Variants in ACACB observed in about 807,000 individuals in gnomAD.
ACACB encodes the protein acetyl-CoA carboxylase 2.
ACACB carries 209 observed loss-of-function variants against 278.8 expected under a neutral mutation model. The observed-to-expected ratio is 0.75, with a 90% CI of 0.67 to 0.84. The LOEUF (loss-of-function observed/expected upper bound fraction) is 0.84. Ranked by LOEUF, ACACB falls within the 40% of genes least tolerant of loss-of-function variation. ACACB has a pLI of 0.00. For missense variants in ACACB, 2,850 were observed against 3,269.0 expected (o/e 0.87, Z 3.13); for synonymous variants, 1,174 against 1,285.6 (o/e 0.91, Z 1.86).
intron 9 of ACACB, 116 bp from the exon 10 acceptor site, chr12:109,178,972 G>C (rs2044367584): frequency 3.2e-6 from 3 of 931,586 alleles, no homozygotes; most frequent in Non-Finnish European, 5.0e-6. Context: ...GCAGAGTCCT[G>C]GATGAGTACC....
intron 21 of ACACB, among the ~76,000 whole-genome samples, chr12:109,210,384 TGTGTATATATGTATATACACGCACAC>T (rs2045776706): frequency 7.5e-6 from 1 of 133,248 alleles, no homozygotes; most frequent in African/African-American, 3.1e-5. Context: ...CGCACACACA[TGTGTATATATGTATATACACGCACAC>T]ACATGTGTAT....
chr12:109,128,389 G>A (rs1316666267), intron 1 of ACACB, among the ~76,000 whole-genome samples: 1 of 151,936 alleles, frequency 6.6e-6, no homozygotes, highest in Non-Finnish European at 1.5e-5. Context: ...CCAGGCTGGA[G>A]TGCAATGGCA....
intron 1 of ACACB, among the ~76,000 whole-genome samples, chr12:109,117,031 T>C (rs1372182789): frequency 4.0e-5 from 6 of 150,310 alleles, no homozygotes; most frequent in African/African-American, 1.5e-4. Flanking sequence ...TGTTTCTGTT[T>C]CCTCAAATGG....
intron 1 of ACACB, among the ~76,000 whole-genome samples, chr12:109,133,309 C>T (rs2042879295): frequency 6.6e-6 from 1 of 151,740 alleles, no homozygotes; most frequent in Non-Finnish European, 1.5e-5. Flanking sequence ...TGGCTCACTG[C>T]AACCTCCCCC....
At position 109,179,996 on chromosome 12, in the gene ACACB, T is replaced by G. The variant is rs1219811843; in HGVS notation, c.1727T>G (p.Phe576Cys). The G allele has an allele frequency of 8.1e-6, 13 of 1,613,822 alleles. No individual in the cohort carries two copies. The highest frequency in any genetic ancestry group is 1.1e-5 in the Non-Finnish European group (13 of 1,180,022). ...TACCTCTATAGTCAGGATGGCAGCTTCCACTTCTTGGAGCTGAATCCTCGC... is the reference window on the plus strand; with the variant it reads ...TACCTCTATAGTCAGGATGGCAGCTGCCACTTCTTGGAGCTGAATCCTCGC... ...VEYLYSQDGS[F>C]HFLELNPRLQ... Residue 576 changes from phenylalanine to cysteine, a missense_variant, in exon 11 of 53, where the codon TTC becomes TGC. Transcript: ENST00000338432.
In ACACB at chr12:109,227,489, G is replaced by A. The variant is rs760471189; in HGVS notation, c.4001G>A (p.Arg1334Gln). ...QFMLPSSHPN[R>Q]MTVPISITNP... is the part of the protein sequence containing the mutation. ...ATGCTGCCGTCCTCCCACCCAAACC[G>A]GTATGGAGTGGGACACACCCAGGGA... Residue 1334 changes from arginine to glutamine, a missense_variant and splice_region_variant, in exon 28 of 53, where the codon CGG (arginine) becomes CAG (glutamine). Arg to Gln is a conservative substitution (Grantham distance 43). This residue lies in a region of ACACB where 2,265 missense variants were observed against 2,561.3 expected (regional missense o/e 0.88). Transcript: ENST00000338432. The A allele has an allele frequency of 2.5e-6, 4 of 1,613,136 alleles. No individual in the cohort carries two copies. Among genetic ancestry groups the A allele is most frequent in the Admixed American group, 1.7e-5 (1 of 59,986 alleles).
intron 21 of ACACB, among the ~76,000 whole-genome samples, chr12:109,209,953 GTATA>G (rs1201183711): frequency 1.2e-5 from 1 of 81,508 alleles, no homozygotes; most frequent in Non-Finnish European, 2.4e-5. Context: ...ACACGTGTGT[GTATA>G]TATGTGTATA....
Position 109,172,348 on chromosome 12 carries a change from C to T in ACACB, c.1109C>T (p.Ala370Val). The T allele has an allele frequency of 6.2e-7, 1 of 1,614,094 alleles. No individual in the cohort carries two copies. Among genetic ancestry groups the T allele is most frequent in the Non-Finnish European group, 8.5e-7 (1 of 1,179,998 alleles). The change falls in exon 6 of 53, where the codon GCT becomes GTT. Residue 370 changes from alanine to valine, a missense_variant. Around this residue, in one of 3 missense-constraint regions of ACACB, gnomAD observed 2,265 missense variants for 2,561.3 expected, o/e 0.88. Transcript: ENST00000338432. ...LPELLCKNGV[A>V]FLGPPSEAMW... ...GAGCTGCTGTGCAAGAATGGAGTTG[C>T]TTTCTTAGGTAGAGTGTGTCCCCAT...
intron 47 of ACACB, among the ~76,000 whole-genome samples, chr12:109,259,580 A>T (rs2047324223): frequency 7.5e-6 from 1 of 133,644 alleles, no homozygotes; most frequent in South Asian, 2.4e-4. Flanking sequence ...AAAAACAAAA[A>T]AACAAAAAAA....
chr12:109,127,999 C>T (rs2042723404), intron 1 of ACACB, among the ~76,000 whole-genome samples: 1 of 152,196 alleles, frequency 6.6e-6, no homozygotes, highest in African/African-American at 2.4e-5. Flanking sequence ...CTTGAGATGT[C>T]CTGCTCCCTT....
At position 109,117,165 on chromosome 12, in the gene ACACB, G is replaced by T. The variant is rs578119151; in HGVS notation, c.-10+461G>T. On this transcript the variant is annotated intron_variant, in intron 1 of 52. Transcript: ENST00000338432. ...ACTTGAGGTCAGGAGTTCGAGACCAGCCTGGCCAACATGGCGAAACCCCAT... is the reference window on the plus strand; with the variant it reads ...ACTTGAGGTCAGGAGTTCGAGACCATCCTGGCCAACATGGCGAAACCCCAT... Among the ~76,000 whole-genome samples, 3 of 149,640 alleles carry T rather than the reference G, an allele frequency of 2.0e-5. No individual in the cohort carries two copies. The South Asian group carries it at 6.3e-4, about 32-fold the overall frequency.
chr12:109,237,786 C>T (rs765888654), intron 34 of ACACB, among the ~76,000 whole-genome samples: 2 of 151,804 alleles, frequency 1.3e-5, no homozygotes, highest in Non-Finnish European at 2.9e-5. Context: ...CTGAGGTGGG[C>T]GGATCACTTG....
At chr12:109,148,398 C>T (rs753860448) in intron 2 of ACACB, among the ~76,000 whole-genome samples, 24 of 152,220 alleles carry the variant, frequency 1.6e-4, no homozygotes, top group South Asian at 8.3e-4. Context: ...GCTTGTACCC[C>T]GACTTAGTAT....
intron 19 of ACACB, among the ~76,000 whole-genome samples, chr12:109,204,749 A>C (rs1593551224): frequency 6.6e-6 from 1 of 152,052 alleles, no homozygotes; most frequent in Non-Finnish European, 1.5e-5. Flanking sequence ...GAACATGCTA[A>C]ATTTGTCTTT....
intron 2 of ACACB, among the ~76,000 whole-genome samples, chr12:109,156,907 G>A (rs2043557674): frequency 6.6e-6 from 1 of 152,108 alleles, no homozygotes; most frequent in African/African-American, 2.4e-5. Flanking sequence ...CAGTATGCCA[G>A]GCCAAGTGCT....
chr12:109,155,999 A>G (rs1224791922), intron 2 of ACACB, among the ~76,000 whole-genome samples: 1 of 152,182 alleles, frequency 6.6e-6, no homozygotes, highest in Non-Finnish European at 1.5e-5. Flanking sequence ...ATGTTTGCCA[A>G]TCCCTGCCTA....
rs950362634 is a variant in ACACB, at chr12:109,186,596, C to G, written c.1980+856C>G. 2.0e-5 allele frequency among the ~76,000 whole-genome samples: 3 copies of G among 152,214 alleles called. No homozygotes were observed. In the East Asian group the frequency reaches 5.8e-4, roughly 29 times the overall value. On this transcript the variant is annotated intron_variant, in intron 12 of 52. Transcript: ENST00000338432. The stretch of plus-strand genomic sequence containing the variant: ...CATCCCTTACAGTTTACATGCATAC[C>G]GACCGTTGATTGTCACAGGACTCAT...
intron 45 of ACACB, among the ~76,000 whole-genome samples, chr12:109,257,332 A>G (rs1360775032): frequency 4.0e-5 from 6 of 151,366 alleles, no homozygotes; most frequent in Admixed American, 2.6e-4. Context: ...AAAAAAAAAA[A>G]TCCACTCCTT....
chr12:109,139,475 G>C lies in ACACB; in HGVS notation c.70G>C (p.Gly24Arg). ...GACCTTTTCCTGGTTAAAAATCTGG[G>C]GGAAAATGACGGACTCCAAGCCGAT... is the stretch of plus-strand genomic sequence containing the variant. ...CLTFSWLKIW[G>R]KMTDSKPITK... Residue 24 changes from glycine (G) to arginine (R), a missense_variant, in exon 2 of 53, where the codon GGG becomes CGG. Gly to Arg is a moderately radical substitution (Grantham distance 125). Around this residue, in one of 3 missense-constraint regions of ACACB, gnomAD observed 2,265 missense variants for 2,561.3 expected, o/e 0.88. Coordinates refer to ENST00000338432, the MANE Select transcript of ACACB (RefSeq NM_001093.4). The C allele has an allele frequency of 3.1e-6, 5 of 1,614,110 alleles. No individual in the cohort carries two copies. Among genetic ancestry groups the C allele is most frequent in the Non-Finnish European group, 4.2e-6 (5 of 1,180,022 alleles).
Sources: allele counts gnomAD v4.1 joint callset (sites outside exome capture counted in the v4.1 genomes callset), GRCh38; gene constraint gnomAD v4.1.1; regional missense constraint gnomAD v4.1.1; transcripts MANE v1.5; gene names NCBI Gene and HGNC (gene_info 2026-07-23, HGNC 2026-07-21).